MYO16: variants seen among roughly 807,000 people sequenced by gnomAD.
MYO16 encodes unconventional myosin-XVI.
In MYO16, 94 loss-of-function variants were observed where a neutral mutation model predicts 205.3. The observed-to-expected ratio is 0.46, with a 90% CI of 0.39 to 0.54. MYO16 has a LOEUF of 0.54. Among genes scored for constraint, MYO16 ranks in the 20% least tolerant of loss-of-function variants. MYO16 has a pLI of 0.00. For missense variants in MYO16, 2,315 were observed against 2,387.5 expected, an observed-to-expected ratio of 0.97 and a Z score of 0.63; for synonymous variants, 988 against 954.0, an observed-to-expected ratio of 1.04 and a Z score of -0.66.
Position 109,055,422 on chromosome 13 carries a change from G to C in MYO16, c.3162G>C (p.Gln1054His). The change falls in exon 27 of 35, where the codon CAG becomes CAC. Residue 1054 changes from glutamine (Q) to histidine (H), a missense_variant. This residue lies in a region of MYO16 where 1,213 missense variants were observed against 1,274.4 expected (regional missense o/e 0.95). Coordinates refer to ENST00000457511, the MANE Select transcript of MYO16 (RefSeq NM_001198950.3). The surrounding 1 kb of genome is among the most constrained non-coding windows in gnomAD (Gnocchi z 5.0). ...TAATGGATATTATTGGAAAACTTCA[G>C]AAGTGCACTCCACACTTCATTCATT... is the stretch of plus-strand genomic sequence containing the variant. ...KSLMDIIGKL[Q>H]KCTPHFIHCI... 1 of 1,612,814 alleles carries C rather than the reference G, an allele frequency of 6.2e-7. No homozygotes were observed. The highest frequency in any genetic ancestry group is 8.5e-7 in the Non-Finnish European group (1 of 1,179,334).
At position 108,866,201 on chromosome 13, in the gene MYO16, C is replaced by T. The variant is rs767684755; in HGVS notation, c.1384C>T (p.Leu462Phe). The change falls in exon 12 of 35, where the codon CTT becomes TTT. Residue 462 changes from leucine (L) to phenylalanine (F), a missense_variant. This residue lies in a region of MYO16 where 1,213 missense variants were observed against 1,274.4 expected (regional missense o/e 0.95). Coordinates refer to ENST00000457511, the MANE Select transcript of MYO16 (RefSeq NM_001198950.3). Reference sequence around the variant, plus strand: ...GACATTCATTGGAGACATTCTTTTGCTTGTTAACCCATACAAGGAGCTTCC... The same window carrying T: ...GACATTCATTGGAGACATTCTTTTGTTTGTTAACCCATACAAGGAGCTTCC... ...IYTFIGDILL[L>F]VNPYKELPIY... is the part of the protein sequence containing the mutation. 3.0e-5 allele frequency: 48 copies of T among 1,602,220 alleles called. No individual in the cohort carries two copies. The highest frequency in any genetic ancestry group is 4.1e-5 in the Non-Finnish European group (48 of 1,173,290).
At chr13:108,545,118 A>G in the MYO16 span, among the ~76,000 whole-genome samples, 1 of 152,042 alleles carries the variant, frequency 6.6e-6, no homozygotes, top group Non-Finnish European at 1.5e-5. Flanking sequence ...TAATATGCCT[A>G]CTACCTGATT....
chr13:109,108,615 C>G (rs1889193145), intron 28 of MYO16, among the ~76,000 whole-genome samples: 1 of 152,208 alleles, frequency 6.6e-6, no homozygotes, highest in Non-Finnish European at 1.5e-5. Context: ...GGCTCACAGT[C>G]TGCTGGGGGA....
intron 4 of MYO16, among the ~76,000 whole-genome samples, chr13:108,781,529 C>G (rs776907656): frequency 6.6e-6 from 1 of 152,182 alleles, no homozygotes; most frequent in Non-Finnish European, 1.5e-5. Flanking sequence ...CCATTGCCTT[C>G]GGGGTCAGTA....
At position 108,675,678 on chromosome 13, in the gene MYO16, A is replaced by G. The variant is rs1172067210; in HGVS notation, c.292+9529A>G. 1.1e-4 allele frequency among the ~76,000 whole-genome samples: 16 copies of G among 152,218 alleles called. No homozygotes were observed. In the East Asian group the frequency reaches 3.1e-3, roughly 29 times the overall value. On this transcript the variant is annotated intron_variant, in intron 2 of 34. Coordinates refer to ENST00000457511, the MANE Select transcript of MYO16 (RefSeq NM_001198950.3). ...ACGAATCTGAAACCGTGCTCTCTTC[A>G]ACATTTTATGAGTTTGGTAGGAAGA...
chr13:108,706,969 G>T (rs1210121612), intron 2 of MYO16, among the ~76,000 whole-genome samples: 1 of 152,158 alleles, frequency 6.6e-6, no homozygotes, highest in African/African-American at 2.4e-5. Flanking sequence ...GCCAAGGCTG[G>T]AACCTAATGC....
intron 1 of MYO16, among the ~76,000 whole-genome samples, chr13:108,632,078 CAAAAAAAAAA>C (rs59971095): frequency 4.5e-5 from 3 of 67,256 alleles, no homozygotes; most frequent in African/African-American, 1.8e-4. Flanking sequence ...AACCCCAACT[CAAAAAAAAAA>C]AAAAAAAAAA....
the MYO16 span, among the ~76,000 whole-genome samples, chr13:108,518,135 T>A: frequency 6.6e-6 from 1 of 152,158 alleles, no homozygotes; most frequent in Admixed American, 6.5e-5. Flanking sequence ...GAAAGAATAA[T>A]GTGAAAAGTT....
intron 4 of MYO16, among the ~76,000 whole-genome samples, chr13:108,729,544 C>T (rs980796021): frequency 6.6e-6 from 1 of 151,992 alleles, no homozygotes; most frequent in East Asian, 1.9e-4. Context: ...CAAAGCCCAT[C>T]CTTATTTCTT....
chr13:108,609,139 A>T (rs959976308), intron 1 of MYO16, among the ~76,000 whole-genome samples: 2 of 152,182 alleles, frequency 1.3e-5, no homozygotes, highest in Admixed American at 6.5e-5. Flanking sequence ...TCTGCAGGCC[A>T]GCCCAGGAAA....
At chr13:108,535,154 C>T in the MYO16 span, among the ~76,000 whole-genome samples, 218 of 151,310 alleles carry the variant, frequency 1.4e-3, no homozygotes, top group African/African-American at 5.2e-3. Flanking sequence ...TCTTGCTCTT[C>T]TCTTTTTAAA....
chr13:108,629,914 G>A (rs1276838262), intron 1 of MYO16, 42 bp downstream of exon 1: 1 of 1,501,204 alleles, frequency 6.7e-7, no homozygotes, highest in Non-Finnish European at 8.9e-7. Context: ...TATTTGTCTT[G>A]TTGAAGTATT....
intron 11 of MYO16, among the ~76,000 whole-genome samples, chr13:108,858,034 T>A (rs1025778185): frequency 6.6e-6 from 1 of 152,190 alleles, no homozygotes; most frequent in Non-Finnish European, 1.5e-5. Context: ...GTGTCTGAAA[T>A]CCCCTCTAAT....
chr13:108,826,675 C>G (rs1250684035), intron 9 of MYO16, among the ~76,000 whole-genome samples: 1 of 151,944 alleles, frequency 6.6e-6, no homozygotes, highest in South Asian at 2.1e-4. Context: ...ATGCTTACAA[C>G]TGAACAATAA....
intron 7 of MYO16, among the ~76,000 whole-genome samples, chr13:108,809,692 G>A (rs1324504477): frequency 2.0e-5 from 3 of 152,168 alleles, no homozygotes; most frequent in South Asian, 2.1e-4. Context: ...ACCAGGCCAC[G>A]CTTCCAACAC....
chr13:108,716,049 A>G (rs1883932373), intron 3 of MYO16, among the ~76,000 whole-genome samples: 1 of 151,862 alleles, frequency 6.6e-6, no homozygotes, highest in African/African-American at 2.4e-5. Context: ...TCTTGTCACA[A>G]TAGATTATAA....
At chr13:109,175,592 C>G (rs1433106485) in intron 33 of MYO16, among the ~76,000 whole-genome samples, 2 of 152,074 alleles carry the variant, frequency 1.3e-5, no homozygotes, top group Non-Finnish European at 2.9e-5. Flanking sequence ...ACCAAAAGCT[C>G]AACTTTTTGA....
At position 108,844,406 on chromosome 13, in the gene MYO16, A is replaced by G. The variant is rs774716656; in HGVS notation, c.1161A>G (p.Lys387=). 4 of 1,613,714 alleles carry G rather than the reference A, an allele frequency of 2.5e-6. No individual in the cohort carries two copies. Among genetic ancestry groups the G allele is most frequent in the Non-Finnish European group, 3.4e-6 (4 of 1,179,694 alleles). Residue 387 remains lysine, a synonymous_variant, in exon 10 of 35, where the codon AAA becomes AAG. Coordinates refer to ENST00000457511, the MANE Select transcript of MYO16 (RefSeq NM_001198950.3). The part of the protein sequence containing the change: ...DSLLEKDIMF[K]DATKGLCKQQ... ...TGTTGGAAAAAGACATTATGTTCAAAGATGCAACAAAAGGTCTGTGTAAGC... is the reference window on the plus strand; with the variant it reads ...TGTTGGAAAAAGACATTATGTTCAAGGATGCAACAAAAGGTCTGTGTAAGC...
intron 5 of MYO16, among the ~76,000 whole-genome samples, chr13:108,791,401 A>G (rs571661712): frequency 6.6e-6 from 1 of 152,374 alleles, no homozygotes; most frequent in South Asian, 2.1e-4. Flanking sequence ...CACATGTTAG[A>G]AAGCTGACTA....
Sources: gnomAD v4.1 joint callset for allele counts (sites outside exome capture counted in the v4.1 genomes callset) on GRCh38, gnomAD v4.1.1 for gene constraint, gnomAD v4.1.1 regional missense constraint, Gnocchi (gnomAD v3.1) non-coding constraint, MANE v1.5 for transcripts, NCBI Gene and HGNC (gene_info 2026-07-23, HGNC 2026-07-21) for gene names.